ST3GAL3: variants seen among roughly 807,000 people sequenced by gnomAD.
ST3GAL3 encodes the protein ST3 beta-galactoside alpha-2,3-sialyltransferase 3.
A neutral mutation model predicts 50.1 loss-of-function variants in ST3GAL3; 21 were observed. The observed-to-expected ratio is 0.42, with a 90% CI of 0.30 to 0.60. ST3GAL3 has a LOEUF of 0.60. Ranked by LOEUF, ST3GAL3 falls within the 20% of genes least tolerant of loss-of-function variation. The pLI, the probability that ST3GAL3 is intolerant of heterozygous loss-of-function variation, is 0.19. For synonymous variants in ST3GAL3, 183 were observed against 190.0 expected, an observed-to-expected ratio of 0.96 and a Z score of 0.30; for missense variants, 353 against 489.4, an observed-to-expected ratio of 0.72 and a Z score of 2.63.
rs114877899 is a variant in ST3GAL3 at position 43,920,550 on chromosome 1, G to T, written c.891G>T (p.Gly297=). 5 of 1,614,002 alleles carry T rather than the reference G, an allele frequency of 3.1e-6. No homozygotes were observed. Among genetic ancestry groups the T allele is most frequent in the Non-Finnish European group, 4.2e-6 (5 of 1,179,858 alleles). ...LPFNNGLMGR[G]NIPTLGSVAV... Reference sequence around the variant, plus strand: ...TCAACAATGGCCTCATGGGCCGGGGGGTGAGATATCTGGGCCCTGGGAGAG... The same window carrying T: ...TCAACAATGGCCTCATGGGCCGGGGTGTGAGATATCTGGGCCCTGGGAGAG... The change falls in exon 10 of 12, where the codon GGG becomes GGT. Residue 297 remains glycine, a splice_region_variant and synonymous_variant. Transcript: ENST00000347631.
intron 5 of ST3GAL3, among the ~76,000 whole-genome samples, chr1:43,891,581 TAATA>T (rs1177221556): frequency 2.0e-5 from 3 of 151,142 alleles, no homozygotes; most frequent in African/African-American, 4.9e-5. Context: ...AAAAAATAAG[TAATA>T]AATAAATAAG....
intron 5 of ST3GAL3, among the ~76,000 whole-genome samples, chr1:43,858,534 G>A (rs2069078622): frequency 1.3e-5 from 2 of 152,204 alleles, no homozygotes; most frequent in Admixed American, 6.5e-5. Flanking sequence ...CACGTGGGGA[G>A]TTCTTGCTGC....
rs149039220 is a variant in ST3GAL3, at chr1:43,731,928, T to A, written c.-30-4305T>A. 3.3e-3 allele frequency among the ~76,000 whole-genome samples: 504 copies of A among 152,300 alleles called. 5 individuals carry two copies. The highest frequency in any genetic ancestry group is 0.012 in the African/African-American group (485 of 41,552). On this transcript the variant is annotated intron_variant, in intron 1 of 11. Transcript: ENST00000347631. ...CCTGGGCTCAAGTGATCAACCAGCC[T>A]CAGCCTCCCAAAGTGCTGGGATTAC...
intron 9 of ST3GAL3, chr1:43,912,727 G>A (rs904105531): frequency 3.9e-5 from 6 of 152,250 alleles, no homozygotes; most frequent in African/African-American, 1.4e-4. Flanking sequence ...GGAGCCTGGT[G>A]GGGAAAGTGC....
intron 3 of ST3GAL3, 49 bp from the exon 4 acceptor site, chr1:43,814,842 T>C: frequency 6.3e-7 from 1 of 1,586,190 alleles, no homozygotes. Context: ...AATATGCTAG[T>C]ATCATCAGTG....
chr1:43,760,574 T>C (rs1181323566), intron 2 of ST3GAL3, among the ~76,000 whole-genome samples: 1 of 152,072 alleles, frequency 6.6e-6, no homozygotes, highest in African/African-American at 2.4e-5. Context: ...GCTAACACGG[T>C]GAAACCCCGT....
chr1:43,801,533 C>T (rs542339427), intron 3 of ST3GAL3: 16 of 359,898 alleles, frequency 4.4e-5, no homozygotes, highest in African/African-American at 2.1e-4. Context: ...CCCAACTGCA[C>T]GTCAGAATGT....
intron 1 of ST3GAL3, among the ~76,000 whole-genome samples, chr1:43,713,870 C>A (rs1351696757): frequency 6.6e-6 from 1 of 152,042 alleles, no homozygotes; most frequent in Non-Finnish European, 1.5e-5. Context: ...TATTTTAGGT[C>A]TTACTAACAA....
intron 5 of ST3GAL3, among the ~76,000 whole-genome samples, chr1:43,889,529 G>A (rs1359234915): frequency 6.6e-6 from 1 of 152,202 alleles, no homozygotes; most frequent in Admixed American, 6.5e-5. Context: ...ACTGGCAAAT[G>A]CAAAGTAATT....
chr1:43,756,032 T>G (rs2154115486), intron 2 of ST3GAL3, among the ~76,000 whole-genome samples: 1 of 143,942 alleles, frequency 6.9e-6, no homozygotes, highest in East Asian at 2.1e-4. Flanking sequence ...GCCCAGGATT[T>G]TGAGGCTGTA....
chr1:43,747,795 G>T (rs1361556852), intron 2 of ST3GAL3, among the ~76,000 whole-genome samples: 1 of 151,876 alleles, frequency 6.6e-6, no homozygotes, highest in Non-Finnish European at 1.5e-5. Context: ...TGGCCAGGCT[G>T]GTCTCAACCT....
intron 9 of ST3GAL3, among the ~76,000 whole-genome samples, chr1:43,903,615 C>T (rs776645917): frequency 6.6e-6 from 1 of 152,172 alleles, no homozygotes; most frequent in Non-Finnish European, 1.5e-5. Flanking sequence ...GGTCCCTGGA[C>T]AGCCTTGACA....
chr1:43,817,719 CCTT>C (rs1488820014), intron 4 of ST3GAL3, among the ~76,000 whole-genome samples: 3 of 136,792 alleles, frequency 2.2e-5, no homozygotes, highest in East Asian at 2.3e-4. Flanking sequence ...TCCTTCTCCT[CCTT>C]CTCCTCCTCC....
At chr1:43,765,784 TGCGCGCGC>T (rs67184106) in intron 2 of ST3GAL3, among the ~76,000 whole-genome samples, 1 of 136,880 alleles carries the variant, frequency 7.3e-6, no homozygotes. Context: ...TGTGTGTGTG[TGCGCGCGC>T]GCGCGCGCGT....
At chr1:43,716,164 A>C (rs2154065350) in intron 1 of ST3GAL3, among the ~76,000 whole-genome samples, 1 of 152,348 alleles carries the variant, frequency 6.6e-6, no homozygotes, top group African/African-American at 2.4e-5. Context: ...TTAATGGCAA[A>C]AACCACAATT....
At chr1:43,816,182 TGC>T (rs1287797569) in intron 4 of ST3GAL3, among the ~76,000 whole-genome samples, 6 of 152,218 alleles carry the variant, frequency 3.9e-5, no homozygotes, top group Non-Finnish European at 8.8e-5. Flanking sequence ...TTTTCTGTCT[TGC>T]ATAAGACCTT....
intron 5 of ST3GAL3, among the ~76,000 whole-genome samples, chr1:43,852,402 C>G (rs992721585): frequency 6.6e-6 from 1 of 152,194 alleles, no homozygotes; most frequent in Non-Finnish European, 1.5e-5. Flanking sequence ...TTACTCTTTC[C>G]CCTACCCTGT....
intron 2 of ST3GAL3, among the ~76,000 whole-genome samples, chr1:43,788,727 A>G (rs1050443021): frequency 6.6e-6 from 1 of 152,240 alleles, no homozygotes; most frequent in African/African-American, 2.4e-5. Context: ...TTAGTTAGGC[A>G]TCAGAGCCTC....
At chr1:43,857,545 CCCTT>C (rs1489623332) in intron 5 of ST3GAL3, among the ~76,000 whole-genome samples, 5 of 114,530 alleles carry the variant, frequency 4.4e-5, no homozygotes, top group African/African-American at 1.6e-4. Flanking sequence ...CTCCCTCCCT[CCCTT>C]CCTTCCTTTC....
Sources: allele counts gnomAD v4.1 joint callset (sites outside exome capture counted in the v4.1 genomes callset), GRCh38; gene constraint gnomAD v4.1.1; transcripts MANE v1.5; gene names NCBI Gene and HGNC (gene_info 2026-07-23, HGNC 2026-07-21).